CNTNAP5: variants seen among roughly 807,000 people sequenced by gnomAD.
CNTNAP5 encodes the protein contactin-associated protein-like 5.
Under a neutral mutation model 150.2 loss-of-function variants are expected in CNTNAP5, and 72 were observed. That is an observed-to-expected ratio of 0.48 (90% CI 0.40 to 0.58). The LOEUF is 0.58. Among genes scored for constraint, CNTNAP5 ranks in the 20% least tolerant of loss-of-function variants. The probability of loss-of-function intolerance (pLI) is 0.00; values close to 1 mark genes in which losing one functional copy is unlikely to be tolerated. For missense variants in CNTNAP5, 1,636 were observed against 1,626.2 expected, an observed-to-expected ratio of 1.01 and a Z score of -0.10; for synonymous variants, 672 against 619.8, an observed-to-expected ratio of 1.08 and a Z score of -1.25.
At chr2:124,785,234 G>A (rs1573615241) in intron 17 of CNTNAP5, among the ~76,000 whole-genome samples, 1 of 152,216 alleles carries the variant, frequency 6.6e-6, no homozygotes, top group East Asian at 1.9e-4. Context: ...AAGGCAACAT[G>A]AATGAATGAA....
chr2:124,488,382 T>C (rs1301264634), intron 7 of CNTNAP5, among the ~76,000 whole-genome samples: 1 of 152,186 alleles, frequency 6.6e-6, no homozygotes, highest in East Asian at 1.9e-4. Flanking sequence ...TAGCTCTTTG[T>C]GGTTTCAGTT....
intron 3 of CNTNAP5, among the ~76,000 whole-genome samples, chr2:124,280,765 TA>T (rs143861732): frequency 1.1e-4 from 16 of 148,892 alleles, no homozygotes; most frequent in Middle Eastern, 3.5e-3. Context: ...CCCAGTTCTC[TA>T]AAAAAAAAAT....
chr2:124,442,483 G>A (rs17011508), intron 5 of CNTNAP5, among the ~76,000 whole-genome samples: 15,346 of 152,188 alleles, frequency 0.1, 1,252 homozygotes, highest in African/African-American at 0.2. Flanking sequence ...TTTTAAAATA[G>A]TGGAATTTAG....
chr2:124,104,552 T>A (rs1683133699), intron 1 of CNTNAP5, among the ~76,000 whole-genome samples: 2 of 152,166 alleles, frequency 1.3e-5, no homozygotes, highest in African/African-American at 4.8e-5. Flanking sequence ...TGTTTTCAGG[T>A]AAGTTTGCTA....
At chr2:124,120,199 T>G (rs1306064034) in intron 1 of CNTNAP5, among the ~76,000 whole-genome samples, 1 of 152,160 alleles carries the variant, frequency 6.6e-6, no homozygotes, top group East Asian at 1.9e-4. Flanking sequence ...ACCATGACTG[T>G]AGGTTACTAT....
intron 10 of CNTNAP5, among the ~76,000 whole-genome samples, chr2:124,538,949 T>C (rs953183573): frequency 1.3e-5 from 2 of 152,218 alleles, no homozygotes; most frequent in African/African-American, 2.4e-5. Flanking sequence ...CACTGCCTTC[T>C]GCACAGCCAA....
intron 10 of CNTNAP5, among the ~76,000 whole-genome samples, chr2:124,541,644 T>C (rs1284237938): frequency 6.6e-6 from 1 of 152,086 alleles, no homozygotes; most frequent in Non-Finnish European, 1.5e-5. Flanking sequence ...TGGGAGAAAC[T>C]CGAACAAATA....
At chr2:124,147,956 G>A (rs1459060443) in intron 1 of CNTNAP5, among the ~76,000 whole-genome samples, 6 of 152,186 alleles carry the variant, frequency 3.9e-5, no homozygotes, top group African/African-American at 1.4e-4. Context: ...TTGCGAACAC[G>A]ATGCTGATTC....
chr2:124,116,041 CTT>C (rs1293030081), intron 1 of CNTNAP5, among the ~76,000 whole-genome samples: 4 of 152,146 alleles, frequency 2.6e-5, no homozygotes, highest in Non-Finnish European at 5.9e-5. Flanking sequence ...CTACATCTTC[CTT>C]CAGTTAACAC....
chr2:124,427,875 A>G (rs1692277687), intron 4 of CNTNAP5, among the ~76,000 whole-genome samples: 1 of 152,098 alleles, frequency 6.6e-6, no homozygotes, highest in South Asian at 2.1e-4. Context: ...AGCTCCTCAA[A>G]CCTCATCAAG....
At chr2:124,287,936 G>T (rs1353121473) in intron 3 of CNTNAP5, among the ~76,000 whole-genome samples, 1 of 152,040 alleles carries the variant, frequency 6.6e-6, no homozygotes, top group African/African-American at 2.4e-5. Context: ...ATGTTAGTTT[G>T]TTTATTTGAG....
At chr2:124,381,512 G>A (rs1001887417) in intron 3 of CNTNAP5, among the ~76,000 whole-genome samples, 1 of 152,090 alleles carries the variant, frequency 6.6e-6, no homozygotes, top group Non-Finnish European at 1.5e-5. Flanking sequence ...TGAGGCATTA[G>A]GGGAAATGGT....
intron 7 of CNTNAP5, among the ~76,000 whole-genome samples, chr2:124,478,447 G>A (rs1449103763): frequency 6.6e-6 from 1 of 152,082 alleles, no homozygotes; most frequent in Non-Finnish European, 1.5e-5. Flanking sequence ...AAGAAAAAAT[G>A]TACATTATTT....
chr2:124,136,661 T>A (rs1683982193), intron 1 of CNTNAP5, among the ~76,000 whole-genome samples: 1 of 152,202 alleles, frequency 6.6e-6, no homozygotes. Context: ...TTAGAGTTAC[T>A]GTGAAAGTCA....
In CNTNAP5 at chr2:124,419,140, C is replaced by CAAAAAAAAAAAAA. The variant is rs778863758; in HGVS notation, c.529+1561_529+1573dup. On this transcript the variant is annotated intron_variant, in intron 4 of 23. Transcript: ENST00000682447. ...TGGGCGACAGAGCGAGACTCCTTCT[C>CAAAAAAAAAAAAA]AAAAAAAAAAAAAAAAAAAAAAACA... Among the ~76,000 whole-genome samples, 73 of 28,888 alleles carry CAAAAAAAAAAAAA rather than the reference C, an allele frequency of 2.5e-3. 10 individuals are homozygous for CAAAAAAAAAAAAA. In the East Asian group the frequency reaches 0.029, roughly 11 times the overall value. 19.0% of individuals were successfully genotyped at this position (28,888 alleles called of 152,430 possible).
At chr2:124,520,982 G>A (rs1006400413) in intron 8 of CNTNAP5, among the ~76,000 whole-genome samples, 9 of 152,184 alleles carry the variant, frequency 5.9e-5, no homozygotes, top group African/African-American at 1.9e-4. Context: ...AAGTGAAAAC[G>A]AGGACCAGGT....
chr2:124,219,092 A>G (rs541634087), intron 1 of CNTNAP5, among the ~76,000 whole-genome samples: 55 of 152,262 alleles, frequency 3.6e-4, no homozygotes, highest in African/African-American at 1.2e-3. Context: ...AGATTACCAA[A>G]AAAGAAAAAG....
intron 1 of CNTNAP5, among the ~76,000 whole-genome samples, chr2:124,122,506 C>T (rs1397389187): frequency 6.6e-6 from 1 of 152,160 alleles, no homozygotes; most frequent in Non-Finnish European, 1.5e-5. Context: ...ATCTCACATT[C>T]TCTCCTTCTC....
intron 19 of CNTNAP5, among the ~76,000 whole-genome samples, chr2:124,853,964 C>T (rs1168367604): frequency 6.6e-6 from 1 of 152,166 alleles, no homozygotes; most frequent in Non-Finnish European, 1.5e-5. Flanking sequence ...CAGCTCCATC[C>T]CTGTTCCCAC....
Sources: gnomAD v4.1 joint callset for allele counts (sites outside exome capture counted in the v4.1 genomes callset) on GRCh38, gnomAD v4.1.1 for gene constraint, MANE v1.5 for transcripts, NCBI Gene and HGNC (gene_info 2026-07-23, HGNC 2026-07-21) for gene names.